The following USP9X variants were observed in gnomAD, a reference collection of about 807,000 sequenced individuals.
USP9X encodes ubiquitin carboxyl-terminal hydrolase 9X.
A neutral mutation model predicts 190.3 loss-of-function variants in USP9X; 7 were observed. That is an observed-to-expected ratio of 0.04 (90% CI 0.02 to 0.07). The LOEUF is 0.07. Among genes scored for constraint, USP9X ranks in the 10% least tolerant of loss-of-function variants. The pLI is 1.00. For synonymous variants in USP9X, 645 were observed against 659.5 expected (o/e 0.98, Z 0.34); for missense variants, 1,010 against 1,916.9 (o/e 0.53, Z 8.83).
At chrX:41,114,657 A>AT (rs1399150108) in intron 1 of USP9X, among the ~76,000 whole-genome samples, 2 of 105,815 alleles carry the variant, frequency 1.9e-5, no homozygotes, top group Non-Finnish European at 3.9e-5. Context: ...TTTTTTTTGC[A>AT]TTTTTTATTA....
Position 41,099,811 on chromosome X carries a change from A to G in USP9X, c.-159+13702A>G, listed in dbSNP as rs145003880. ...CAGGAGATCGAGACCATCCTGACCAACATAATGAAACCCTGTTGCTACTAA... is the reference window on the plus strand; with the variant it reads ...CAGGAGATCGAGACCATCCTGACCAGCATAATGAAACCCTGTTGCTACTAA... On this transcript the variant is annotated intron_variant, in intron 1 of 44. Transcript: ENST00000378308. 9.8e-3 allele frequency among the ~76,000 whole-genome samples: 1,103 copies of G among 112,014 alleles called. 9 individuals are homozygous for G. Among genetic ancestry groups the G allele is most frequent in the Non-Finnish European group, 0.017 (900 of 53,190 alleles).
chrX:41,116,281 A>AT (rs1271157600), intron 1 of USP9X, among the ~76,000 whole-genome samples: 5 of 112,628 alleles, frequency 4.4e-5, no homozygotes, highest in African/African-American at 1.6e-4. Context: ...GATTCATTGT[A>AT]TTTGAGCATG....
chrX:41,220,896 AT>A (rs2063256078), intron 38 of USP9X, among the ~76,000 whole-genome samples: 1 of 105,842 alleles, frequency 9.4e-6, no homozygotes. Context: ...ATGAGCCAAG[AT>A]CGCGCCACTG....
intron 33 of USP9X, 22 bp downstream of exon 33, chrX:41,210,704 A>G (rs910633290): frequency 1.4e-5 from 17 of 1,201,440 alleles, no homozygotes; most frequent in South Asian, 1.8e-5. Context: ...TTACACATTG[A>G]AAGTATATGT....
At chrX:41,136,474 T>G (rs1196180487) in intron 5 of USP9X, among the ~76,000 whole-genome samples, 1 of 112,752 alleles carries the variant, frequency 8.9e-6, no homozygotes, top group African/African-American at 3.2e-5. Flanking sequence ...ACATACTGTT[T>G]AGACTCTAGA....
In USP9X at chrX:41,184,402, C is replaced by G; in HGVS notation, c.3285C>G (p.Val1095=). ...ASQVLYLTEV[V]YALLMPAGAP... is the part of the protein sequence containing the mutation. ...CCTCTTCTCTATTTTTCCAGGTAGT[C>G]TATGCCTTGTTAATGCCTGCTGGTG... Residue 1095 remains valine (V), a synonymous_variant, in exon 23 of 45, where the codon GTC becomes GTG. Transcript: ENST00000378308. 1 of 1,209,446 alleles carries G rather than the reference C, an allele frequency of 8.3e-7. No individual in the cohort carries two copies. Among genetic ancestry groups the G allele is most frequent in the Non-Finnish European group, 1.1e-6 (1 of 894,558 alleles).
Position 41,223,335 on chromosome X carries a change from A to G in USP9X, c.6684A>G (p.Leu2228=), listed in dbSNP as rs1224940420. ...IKYQYAELGK[L]YSVVSQLIRC... The stretch of plus-strand genomic sequence containing the variant: ...ACCAGTATGCTGAATTAGGCAAATT[A>G]TACTCAGTAGTGTCACAGCTGATCC... The change falls in exon 39 of 45, where the codon TTA becomes TTG. Residue 2228 remains leucine (L), a synonymous_variant. Transcript: ENST00000378308. 3 of 1,210,299 alleles carry G rather than the reference A, an allele frequency of 2.5e-6. No homozygotes were observed. Among genetic ancestry groups the G allele is most frequent in the African/African-American group, 1.7e-5 (1 of 57,300 alleles).
intron 32 of USP9X, among the ~76,000 whole-genome samples, chrX:41,209,164 T>C (rs1238878939): frequency 8.9e-6 from 1 of 111,981 alleles, no homozygotes; most frequent in Non-Finnish European, 1.9e-5. Context: ...ATTTTTAATC[T>C]CTAATATTCA....
intron 14 of USP9X, among the ~76,000 whole-genome samples, chrX:41,160,305 C>T (rs1226141386): frequency 1.8e-5 from 2 of 108,732 alleles, no homozygotes; most frequent in African/African-American, 6.7e-5. Context: ...TACTAAACTA[C>T]CAATTTATAT....
rs2147287797 is a variant in USP9X at position 41,233,834 on chromosome X, A to G, written c.*1310A>G. ...CAGTTCATACTGTATTTAAAAGAGA[A>G]TTGGTAACTTGAATGTGTGTAATTT... On this transcript the variant is annotated 3_prime_UTR_variant, in exon 45 of 45. Transcript: ENST00000378308. The G allele has an allele frequency of 8.9e-6, 1 of 112,371 alleles. No individual in the cohort carries two copies. The highest frequency in any genetic ancestry group is 1.9e-5 in the Non-Finnish European group (1 of 53,223). The allele number at this position is 112,371 out of a possible 1,213,427, so 9.3% of individuals were successfully genotyped here. A position where few individuals can be genotyped will look rare whatever the true frequency, so the allele number is the denominator to read the frequency against.
intron 23 of USP9X, among the ~76,000 whole-genome samples, chrX:41,185,935 A>G (rs2062869937): frequency 9.0e-6 from 1 of 110,918 alleles, no homozygotes; most frequent in South Asian, 3.8e-4. Context: ...TGAAATATTT[A>G]CAGTATATAT....
At chrX:41,207,379 C>G (rs1026144024) in intron 32 of USP9X, among the ~76,000 whole-genome samples, 1 of 111,424 alleles carries the variant, frequency 9.0e-6, no homozygotes, top group African/African-American at 3.3e-5. Flanking sequence ...GCCACTGCAC[C>G]TGGCCAATTA....
rs1031173781 is a variant in USP9X at position 41,229,889 on chromosome X, G to A, written c.7431+110G>A. On this transcript the variant is annotated intron_variant, in intron 43 of 44. Coordinates refer to ENST00000378308, the MANE Select transcript of USP9X (RefSeq NM_001039591.3). ...AATGATATTATTAAAAGATTATGTT[G>A]AAGTTTTGGGTTTTGAAAAATGTTT... 7.0e-6 allele frequency: 8 copies of A among 1,140,697 alleles called. No individual in the cohort carries two copies. In the Admixed American group the frequency reaches 2.1e-4, roughly 30 times the overall value. The allele number at this position is 1,140,697 out of a possible 1,213,427, so 94.0% of individuals were successfully genotyped here.
At chrX:41,222,837 G>A (rs1049335924) in intron 38 of USP9X, among the ~76,000 whole-genome samples, 2 of 111,303 alleles carry the variant, frequency 1.8e-5, no homozygotes, top group South Asian at 3.8e-4. Context: ...GCTTGAACCC[G>A]GGAGGCAGAG....
At chrX:41,183,824 A>T (rs1045600682) in intron 21 of USP9X, among the ~76,000 whole-genome samples, 174 bp from the exon 22 acceptor site, 3 of 104,331 alleles carry the variant, frequency 2.9e-5, no homozygotes, top group East Asian at 3.0e-4. Context: ...GTTTTTGTTT[A>T]TTTTTTTTTT....
intron 26 of USP9X, among the ~76,000 whole-genome samples, chrX:41,194,381 G>A (rs74434024): frequency 2.7e-5 from 3 of 110,848 alleles, no homozygotes; most frequent in African/African-American, 6.6e-5. Flanking sequence ...ATGGAAAAAC[G>A]CCGTCTCTAC....
intron 31 of USP9X, among the ~76,000 whole-genome samples, chrX:41,204,648 TGTC>T (rs760662551): frequency 8.9e-6 from 1 of 111,770 alleles, no homozygotes; most frequent in South Asian, 3.7e-4. Flanking sequence ...GAGATTATAA[TGTC>T]GTATTTTTAC....
intron 1 of USP9X, among the ~76,000 whole-genome samples, chrX:41,090,914 T>C (rs781489422): frequency 8.1e-5 from 9 of 111,244 alleles, no homozygotes; most frequent in African/African-American, 2.6e-4. Flanking sequence ...ACTTAGCACC[T>C]TCTCGGTGTT....
At chrX:41,167,958 T>C in intron 17 of USP9X, 49 bp from the exon 18 acceptor site, 1 of 1,114,027 alleles carries the variant, frequency 9.0e-7, no homozygotes, top group Non-Finnish European at 1.2e-6. Context: ...ATTTGGTTTT[T>C]ACATTTTAAA....
Sources: gnomAD v4.1 joint callset for allele counts (sites outside exome capture counted in the v4.1 genomes callset) on GRCh38, gnomAD v4.1.1 for gene constraint, MANE v1.5 for transcripts, NCBI Gene and HGNC (gene_info 2026-07-23, HGNC 2026-07-21) for gene names.